Variants in TDRD3 observed in about 807,000 individuals in gnomAD.
TDRD3 encodes the protein tudor domain containing 3.
Under a neutral mutation model 86.7 loss-of-function variants are expected in TDRD3, and 45 were observed. The observed-to-expected ratio is 0.52, with a 90% CI of 0.41 to 0.67. TDRD3 has a LOEUF of 0.67. TDRD3 is among the 30% of genes least tolerant of loss of function. The pLI is 0.00. For synonymous variants in TDRD3, 298 were observed against 301.7 expected, an observed-to-expected ratio of 0.99 and a Z score of 0.13; for missense variants, 814 against 889.0, an observed-to-expected ratio of 0.92 and a Z score of 1.07.
At chr13:60,538,955 CT>C (rs1488074620) in intron 12 of TDRD3, among the ~76,000 whole-genome samples, 4 of 152,134 alleles carry the variant, frequency 2.6e-5, no homozygotes, top group African/African-American at 4.8e-5. Context: ...AATGTCTAAA[CT>C]TTCTTTTTAA....
chr13:60,510,894 G>A, intron 10 of TDRD3, 139 bp downstream of exon 10: 1 of 840,150 alleles, frequency 1.2e-6, no homozygotes, highest in South Asian at 3.0e-5. Context: ...CGTATATCCT[G>A]AGTGTTTGTT....
Position 60,439,823 on chromosome 13 carries a change from C to T in TDRD3, c.126+51C>T, listed in dbSNP as rs1053380362. 5 of 1,296,662 alleles carry T rather than the reference C, an allele frequency of 3.9e-6. No homozygotes were observed. The African/African-American group carries it at 7.6e-5, about 20-fold the overall frequency. 80.3% of individuals were successfully genotyped at this position (1,296,662 alleles called of 1,614,324 possible). A position where few individuals can be genotyped will look rare whatever the true frequency, so the allele number is the denominator to read the frequency against. On this transcript the variant is annotated intron_variant, in intron 2 of 13. Coordinates refer to ENST00000377881, the MANE Select transcript of TDRD3 (RefSeq NM_001146070.2). ...ACATTTGAAATCTGGAAGCTGTATTCATAAAAAAGTCTCAGAGTAAATTGG... is the reference window on the plus strand; with the variant it reads ...ACATTTGAAATCTGGAAGCTGTATTTATAAAAAAGTCTCAGAGTAAATTGG...
At chr13:60,470,788 G>A (rs1253873990) in intron 5 of TDRD3, among the ~76,000 whole-genome samples, 1 of 151,910 alleles carries the variant, frequency 6.6e-6, no homozygotes, top group Non-Finnish European at 1.5e-5. Context: ...TCACTATGTT[G>A]GCCAGGCTGG....
intron 5 of TDRD3, among the ~76,000 whole-genome samples, chr13:60,482,231 C>T (rs1331791755): frequency 6.6e-6 from 1 of 152,174 alleles, no homozygotes; most frequent in Non-Finnish European, 1.5e-5. Context: ...CCAGTTGCAT[C>T]AGCCTGCTTG....
intron 12 of TDRD3, among the ~76,000 whole-genome samples, chr13:60,549,927 T>C (rs2137893755): frequency 6.6e-6 from 1 of 152,230 alleles, no homozygotes; most frequent in South Asian, 2.1e-4. Flanking sequence ...CAAGTAATCC[T>C]ATTAAGAACA....
Position 60,510,735 on chromosome 13 carries a change from T to G in TDRD3, c.1121T>G (p.Met374Arg). The change falls in exon 10 of 14, where the codon ATG becomes AGG. Residue 374 changes from methionine to arginine, a missense_variant. By Grantham distance (91) the Met-to-Arg change is moderately conservative. Coordinates refer to ENST00000377881, the MANE Select transcript of TDRD3 (RefSeq NM_001146070.2). Reference sequence around the variant, plus strand: ...TTATTTGATTTCTTGGAATCTAAAATGGGAACTTTGAATGTGGAAGGTAAG... The same window carrying G: ...TTATTTGATTTCTTGGAATCTAAAAGGGGAACTTTGAATGTGGAAGGTAAG... ...STLFDFLESK[M>R]GTLNVEEPKS... 1 of 1,584,728 alleles carries G rather than the reference T, an allele frequency of 6.3e-7. No individual in the cohort carries two copies. The highest frequency in any genetic ancestry group is 8.6e-7 in the Non-Finnish European group (1 of 1,166,770).
chr13:60,437,337 G>T (rs988480274), intron 1 of TDRD3, among the ~76,000 whole-genome samples: 4 of 151,606 alleles, frequency 2.6e-5, no homozygotes, highest in African/African-American at 9.7e-5. Flanking sequence ...TGTTGCTCAG[G>T]CTGGTCTCAA....
intron 5 of TDRD3, 72 bp from the exon 6 acceptor site, chr13:60,483,703 T>TGTTA: frequency 7.1e-7 from 1 of 1,404,286 alleles, no homozygotes; most frequent in Non-Finnish European, 9.7e-7. Context: ...GGTAGATTCC[T>TGTTA]GTTACATTAT....
intron 2 of TDRD3, among the ~76,000 whole-genome samples, chr13:60,441,767 A>G (rs1046314985): frequency 2.6e-5 from 4 of 152,214 alleles, no homozygotes; most frequent in Admixed American, 2.6e-4. Flanking sequence ...TGGGGTAGAC[A>G]CTGAGCTTGT....
chr13:60,525,440 C>G (rs1458652683), intron 10 of TDRD3, among the ~76,000 whole-genome samples: 1 of 151,854 alleles, frequency 6.6e-6, no homozygotes, highest in Non-Finnish European at 1.5e-5. Context: ...TCCCAAAGTG[C>G]TGGGATTACA....
At chr13:60,509,645 T>G in intron 8 of TDRD3, 118 bp from the exon 9 acceptor site, 2 of 1,250,912 alleles carry the variant, frequency 1.6e-6, no homozygotes, top group Non-Finnish European at 2.3e-6. Context: ...TGTATTAGAA[T>G]GACATTTTTA....
chr13:60,532,594 T>C (rs1957610495), intron 11 of TDRD3, among the ~76,000 whole-genome samples: 1 of 152,202 alleles, frequency 6.6e-6, no homozygotes, highest in African/African-American at 2.4e-5. Flanking sequence ...TGTAATGATA[T>C]TTTGGAGATA....
At chr13:60,484,123 T>G (rs937433644) in intron 6 of TDRD3, among the ~76,000 whole-genome samples, 2 of 152,066 alleles carry the variant, frequency 1.3e-5, no homozygotes, top group Non-Finnish European at 2.9e-5. Flanking sequence ...AGAGGGTTTT[T>G]TTTTGAGGGA....
At position 60,419,734 on chromosome 13, in the gene TDRD3, G is replaced by A. The variant is rs140758963; in HGVS notation, c.42-19954G>A. Among the ~76,000 whole-genome samples, 1,172 of 151,960 alleles carry A rather than the reference G, an allele frequency of 7.7e-3. 16 individuals carry two copies. The highest frequency in any genetic ancestry group is 0.027 in the African/African-American group (1,113 of 41,398). ...TTGATAGATGCAGCAAACCACCATGGCACATGTATACCTATGTAACAAACC... is the reference window on the plus strand; with the variant it reads ...TTGATAGATGCAGCAAACCACCATGACACATGTATACCTATGTAACAAACC... On this transcript the variant is annotated intron_variant, in intron 1 of 13. Transcript: ENST00000377881.
At chr13:60,397,155 G>A (rs1186447224), upstream of TDRD3, 5 of 401,276 alleles carry the variant, frequency 1.2e-5, no homozygotes, top group Non-Finnish European at 2.2e-5. Flanking sequence ...CCCCACACCA[G>A]GCCGGCCCCT....
At chr13:60,474,347 G>A (rs1594982453) in intron 5 of TDRD3, among the ~76,000 whole-genome samples, 1 of 152,086 alleles carries the variant, frequency 6.6e-6, no homozygotes, top group Non-Finnish European at 1.5e-5. Flanking sequence ...GGTCACTACC[G>A]GTCTCCGCGC....
chr13:60,485,532 A>G (rs1182601411), intron 6 of TDRD3, among the ~76,000 whole-genome samples: 1 of 152,068 alleles, frequency 6.6e-6, no homozygotes, highest in East Asian at 1.9e-4. Context: ...GGCTCTCTTG[A>G]TCCAGTGTAT....
intron 1 of TDRD3, among the ~76,000 whole-genome samples, chr13:60,425,742 G>A (rs1256465907): frequency 6.6e-6 from 1 of 151,942 alleles, no homozygotes; most frequent in African/African-American, 2.4e-5. Context: ...CACTGAGACA[G>A]CAAGACCAAC....
chr13:60,519,265 G>T (rs531183279), intron 10 of TDRD3, among the ~76,000 whole-genome samples: 1 of 152,180 alleles, frequency 6.6e-6, no homozygotes, highest in East Asian at 1.9e-4. Flanking sequence ...GACTATGCTA[G>T]GTGCTTTGCA....
Sources: allele counts gnomAD v4.1 joint callset (sites outside exome capture counted in the v4.1 genomes callset), GRCh38; gene constraint gnomAD v4.1.1; transcripts MANE v1.5; gene names NCBI Gene and HGNC (gene_info 2026-07-23, HGNC 2026-07-21).